The following LRP1B variants were observed in gnomAD, a reference collection of about 807,000 sequenced individuals.
The protein encoded by LRP1B is LDL receptor related protein 1B.
In LRP1B, 217 loss-of-function variants were observed where a neutral mutation model predicts 556.6. That is an observed-to-expected ratio of 0.39 (90% CI 0.35 to 0.44). The LOEUF (loss-of-function observed/expected upper bound fraction) is 0.44, where lower values mean the gene tolerates loss of function less well. Ranked by LOEUF, LRP1B falls within the 20% of genes least tolerant of loss-of-function variation. The pLI is 1.00. For synonymous variants in LRP1B, 2,047 were observed against 1,865.8 expected (o/e 1.10, Z -2.50); for missense variants, 5,053 against 5,620.8 (o/e 0.90, Z 3.23).
intron 43 of LRP1B, among the ~76,000 whole-genome samples, chr2:140,580,584 T>A (rs1681721598): frequency 6.6e-6 from 1 of 152,234 alleles, no homozygotes; most frequent in African/African-American, 2.4e-5. Flanking sequence ...TGATTTTAAA[T>A]GTCTGTAATT....
intron 20 of LRP1B, among the ~76,000 whole-genome samples, chr2:140,932,914 C>CACACACACAT (rs767618295): frequency 6.7e-6 from 1 of 149,928 alleles, no homozygotes; most frequent in Non-Finnish European, 1.5e-5. Context: ...CACACACACA[C>CACACACACAT]ACATATATAT....
At chr2:141,405,530 T>C (rs940923114) in intron 3 of LRP1B, among the ~76,000 whole-genome samples, 4 of 152,162 alleles carry the variant, frequency 2.6e-5, no homozygotes, top group Non-Finnish European at 5.9e-5. Flanking sequence ...CACACTATGC[T>C]TTTTGTAGTC....
At chr2:140,995,125 T>C (rs915963903) in intron 15 of LRP1B, among the ~76,000 whole-genome samples, 11 of 152,160 alleles carry the variant, frequency 7.2e-5, no homozygotes, top group Middle Eastern at 3.4e-3. Context: ...GAATAGCTAC[T>C]GAAACAATCT....
intron 7 of LRP1B, among the ~76,000 whole-genome samples, chr2:141,154,145 G>A (rs1204404937): frequency 6.6e-6 from 1 of 151,772 alleles, no homozygotes; most frequent in Non-Finnish European, 1.5e-5. Flanking sequence ...TAGATTACAA[G>A]CTAATACGAC....
chr2:141,564,183 T>C (rs1423762970), intron 2 of LRP1B, among the ~76,000 whole-genome samples: 3 of 152,248 alleles, frequency 2.0e-5, no homozygotes, highest in South Asian at 4.1e-4. Flanking sequence ...AAAAAGATTC[T>C]AGTACATAAT....
chr2:140,826,948 G>A (rs1691529777), intron 31 of LRP1B, among the ~76,000 whole-genome samples: 1 of 152,100 alleles, frequency 6.6e-6, no homozygotes, highest in Non-Finnish European at 1.5e-5. Context: ...AGTATTCTGA[G>A]CATGAAGACC....
rs7576461 is a variant in LRP1B at position 141,734,994 on chromosome 2, C to T, written c.205+75285G>A. 3.3e-5 allele frequency among the ~76,000 whole-genome samples: 5 copies of T among 152,168 alleles called. No homozygotes were observed. The East Asian group carries it at 9.7e-4, about 29-fold the overall frequency. ...TATAACCATTGAAATATGGTGCTTT[C>T]CCTCAACAGCCATTTGAATATTGAA... On this transcript the variant is annotated intron_variant, in intron 2 of 90. Coordinates refer to ENST00000389484, the MANE Select transcript of LRP1B (RefSeq NM_018557.3).
chr2:140,889,170 G>A (rs1693728562), intron 23 of LRP1B, among the ~76,000 whole-genome samples: 1 of 152,176 alleles, frequency 6.6e-6, no homozygotes, highest in Admixed American at 6.5e-5. Flanking sequence ...CATAGTAATT[G>A]AGAATATTAA....
intron 66 of LRP1B, among the ~76,000 whole-genome samples, chr2:140,406,841 A>G (rs576165787): frequency 2.6e-5 from 4 of 152,250 alleles, no homozygotes; most frequent in East Asian, 1.9e-4. Context: ...AGAAAAAACA[A>G]TCTTAAAAAT....
chr2:140,959,071 T>C (rs1235016606), intron 18 of LRP1B, among the ~76,000 whole-genome samples: 3 of 151,292 alleles, frequency 2.0e-5, no homozygotes, highest in Non-Finnish European at 4.4e-5. Flanking sequence ...TTTTTTTTTT[T>C]TGTAAGTCTA....
At chr2:140,828,789 C>CA (rs57621380) in intron 31 of LRP1B, among the ~76,000 whole-genome samples, 147 of 7,932 alleles carry the variant, frequency 0.019, 8 homozygotes, top group Middle Eastern at 0.071. Context: ...GACTCCGTCT[C>CA]AAAAAAAAAA....
intron 2 of LRP1B, among the ~76,000 whole-genome samples, chr2:141,717,897 T>C (rs1017293355): frequency 7.2e-5 from 11 of 152,198 alleles, no homozygotes; most frequent in African/African-American, 2.7e-4. Context: ...TTTAGCCACA[T>C]TAAACAACTA....
chr2:140,380,571 TAAAG>T (rs914615052), intron 67 of LRP1B, among the ~76,000 whole-genome samples: 3 of 152,098 alleles, frequency 2.0e-5, no homozygotes, highest in African/African-American at 4.8e-5. Flanking sequence ...ATGAAAAGAA[TAAAG>T]AAAGAGTAAA....
At chr2:140,608,419 G>C (rs1012626032) in intron 41 of LRP1B, among the ~76,000 whole-genome samples, 6 of 152,194 alleles carry the variant, frequency 3.9e-5, no homozygotes, top group African/African-American at 1.4e-4. Flanking sequence ...TACTTTTCGT[G>C]ATCGTGGATC....
chr2:141,131,895 G>A (rs1410345016), intron 7 of LRP1B, among the ~76,000 whole-genome samples: 6 of 151,744 alleles, frequency 4.0e-5, no homozygotes, highest in Admixed American at 4.0e-4. Flanking sequence ...ACATGAGTAA[G>A]TTCTTTAGTG....
At chr2:141,182,217 A>C (rs1001525844) in intron 7 of LRP1B, among the ~76,000 whole-genome samples, 2 of 152,060 alleles carry the variant, frequency 1.3e-5, no homozygotes, top group Non-Finnish European at 2.9e-5. Flanking sequence ...AAAAATATTT[A>C]GATATTTAAT....
At chr2:141,583,906 A>ATTTTTTTTTTTTTTTTTTTTTTTTTTTT (rs113916906) in intron 2 of LRP1B, among the ~76,000 whole-genome samples, 2 of 145,482 alleles carry the variant, frequency 1.4e-5, no homozygotes, top group African/African-American at 5.1e-5. Flanking sequence ...TGCCCGGCTA[A>ATTTTTTTTTTTTTTTTTTTTTTTTTTTT]TTTTTTTTTT....
At chr2:140,580,461 G>A (rs1013800520) in intron 43 of LRP1B, among the ~76,000 whole-genome samples, 8 of 152,104 alleles carry the variant, frequency 5.3e-5, no homozygotes, top group Non-Finnish European at 2.9e-5. Context: ...AATAAAAAGC[G>A]ATCATTTACA....
intron 5 of LRP1B, among the ~76,000 whole-genome samples, chr2:141,242,646 G>T (rs1209664373): frequency 2.0e-5 from 3 of 151,976 alleles, no homozygotes; most frequent in African/African-American, 7.2e-5. Flanking sequence ...TTACTCCGCG[G>T]CAAAGAGGTA....
Sources: allele counts gnomAD v4.1 joint callset (sites outside exome capture counted in the v4.1 genomes callset), GRCh38; gene constraint gnomAD v4.1.1; transcripts MANE v1.5; gene names NCBI Gene and HGNC (gene_info 2026-07-23, HGNC 2026-07-21).